AHDC1: variants seen among roughly 807,000 people sequenced by gnomAD.
The protein encoded by AHDC1 is transcription factor Gibbin.
AHDC1 carries 7 observed loss-of-function variants against 87.9 expected under a neutral mutation model. The ratio of observed to expected loss-of-function variants is 0.08; its 90% CI spans 0.05 to 0.15. The LOEUF (loss-of-function observed/expected upper bound fraction) is 0.15, where lower values mean the gene tolerates loss of function less well. Among genes scored for constraint, AHDC1 ranks in the 10% least tolerant of loss-of-function variants. The pLI is 1.00. For missense variants in AHDC1, 1,841 were observed against 2,253.2 expected (o/e 0.82, Z 3.70); for synonymous variants, 1,051 against 1,006.8 (o/e 1.04, Z -0.83).
At chr1:27,577,774 C>T (rs982355499) in intron 3 of AHDC1, among the ~76,000 whole-genome samples, 3 of 152,204 alleles carry the variant, frequency 2.0e-5, no homozygotes, top group Non-Finnish European at 4.4e-5. Context: ...TGCTCCCCTC[C>T]CCCTGACCTG....
At position 27,565,440 on chromosome 1, in the gene AHDC1, G is replaced by A. The variant is rs1427924134; in HGVS notation, c.-628-6557C>T. Among the ~76,000 whole-genome samples, 2 of 152,212 alleles carry A rather than the reference G, an allele frequency of 1.3e-5. No homozygotes were observed. The highest frequency in any genetic ancestry group is 2.4e-5 in the African/African-American group (1 of 41,460). ...GGCCACTGCCCAGACTGGGAGGGCG[G>A]GCCAGACAGCAGGGGCTGCCAGTCT... On this transcript the variant is annotated intron_variant, in intron 3 of 8. Coordinates refer to ENST00000673934, the MANE Select transcript of AHDC1 (RefSeq NM_001371928.1). This position sits in a 1 kb window ranked among gnomAD's most constrained non-coding sequence, Gnocchi z 4.6.
chr1:27,552,437 C>T (rs1246122308), intron 7 of AHDC1: 7 of 285,732 alleles, frequency 2.4e-5, no homozygotes, highest in East Asian at 1.1e-4. Context: ...CTCACTCTGT[C>T]GCCCAGGCTA....
intron 5 of AHDC1, among the ~76,000 whole-genome samples, chr1:27,557,969 C>T (rs544629353): frequency 1.3e-5 from 2 of 152,200 alleles, no homozygotes; most frequent in Non-Finnish European, 2.9e-5. Flanking sequence ...CACACAGCCT[C>T]GCATCCTCCC....
In AHDC1 at chr1:27,535,122, C is replaced by T. The variant is rs1019436070; in HGVS notation, c.*44-206G>A. Among the ~76,000 whole-genome samples, 3 of 152,166 alleles carry T rather than the reference C, an allele frequency of 2.0e-5. No individual in the cohort carries two copies. In the East Asian group the frequency reaches 5.8e-4, roughly 29 times the overall value. On this transcript the variant is annotated intron_variant, in intron 8 of 8. Coordinates refer to ENST00000673934, the MANE Select transcript of AHDC1 (RefSeq NM_001371928.1). Reference sequence around the variant, plus strand: ...TTCCCCATCTGTAAAATATGCGTGTCCAAGCCCCAAAACACAGGGTGAAGC... The same window carrying T: ...TTCCCCATCTGTAAAATATGCGTGTTCAAGCCCCAAAACACAGGGTGAAGC...
At chr1:27,553,366 T>C (rs1028498675) in intron 5 of AHDC1, 181 bp from the exon 6 acceptor site, 1 of 152,200 alleles carries the variant, frequency 6.6e-6, no homozygotes, top group South Asian at 2.1e-4. Context: ...GTAACATCAT[T>C]CATTCATACA....
At chr1:27,571,086 C>T (rs370965941) in intron 3 of AHDC1, among the ~76,000 whole-genome samples, 10 of 152,298 alleles carry the variant, frequency 6.6e-5, no homozygotes, top group African/African-American at 2.2e-4. Context: ...AGGCAGGGTA[C>T]TCTACTTCCT....
intron 3 of AHDC1, among the ~76,000 whole-genome samples, chr1:27,581,333 AAAATATATTTTT>A (rs937571002): frequency 6.6e-6 from 1 of 151,856 alleles, no homozygotes; most frequent in Non-Finnish European, 1.5e-5. Flanking sequence ...AAACTTTAAA[AAAATATATTTTT>A]AAAAAAAATT....
At chr1:27,577,584 T>TC (rs916480297) in intron 3 of AHDC1, among the ~76,000 whole-genome samples, 2 of 151,492 alleles carry the variant, frequency 1.3e-5, no homozygotes, top group Non-Finnish European at 2.9e-5. Flanking sequence ...TGCTTCCTGC[T>TC]CCCCCCACTC....
intron 3 of AHDC1, among the ~76,000 whole-genome samples, chr1:27,572,247 G>A (rs2088553893): frequency 6.6e-6 from 1 of 152,176 alleles, no homozygotes; most frequent in Non-Finnish European, 1.5e-5. Context: ...CTTAGGCACC[G>A]TGGTAAAATT....
At chr1:27,545,586 G>C (rs1005992797) in intron 8 of AHDC1, among the ~76,000 whole-genome samples, 1 of 152,152 alleles carries the variant, frequency 6.6e-6, no homozygotes, top group South Asian at 2.1e-4. Context: ...ACATCTCCCC[G>C]CCAGTGAGAA....
At position 27,562,035 on chromosome 1, in the gene AHDC1, A is replaced by C. The variant is rs1427526273; in HGVS notation, c.-628-3152T>G. On this transcript the variant is annotated intron_variant, in intron 3 of 8. Coordinates refer to ENST00000673934, the MANE Select transcript of AHDC1 (RefSeq NM_001371928.1). This position sits in a 1 kb window ranked among gnomAD's most constrained non-coding sequence, Gnocchi z 4.4. ...GAGGCACGGGGGAAGCGAGCCAGGC[A>C]GAGATGGGAAAGGCAGGAGAGAGCA... Among the ~76,000 whole-genome samples, 1 of 152,110 alleles carries C rather than the reference A, an allele frequency of 6.6e-6. No homozygotes were observed. The highest frequency in any genetic ancestry group is 1.5e-5 in the Non-Finnish European group (1 of 68,000).
rs2089494944 is a variant in AHDC1 at position 27,600,272 on chromosome 1, C to G, written c.-629+3125G>C. Among the ~76,000 whole-genome samples, 4 of 152,062 alleles carry G rather than the reference C, an allele frequency of 2.6e-5. No individual in the cohort carries two copies. The South Asian group carries it at 8.3e-4, about 32-fold the overall frequency. On this transcript the variant is annotated intron_variant, in intron 3 of 8. Coordinates refer to ENST00000673934, the MANE Select transcript of AHDC1 (RefSeq NM_001371928.1). ...AGTCCCCAGCTCCACTCCATCCTGG[C>G]TTCCGCCTCCCCACTCTGTCCCAAG... is the stretch of plus-strand genomic sequence containing the variant.
In AHDC1 at chr1:27,547,460, C is replaced by G. The variant is rs773780039; in HGVS notation, c.4656G>C (p.Pro1552=). ...CCTGCAGGGGCAGCAGCGAGTCCCT[C>G]GGCACGGGGGACAGGGTCAAGTCAC... ...LLSDLTLSPV[P]RDSLLPLQDT... is the part of the protein sequence containing the mutation. Residue 1552 remains proline (P), a synonymous_variant, in exon 8 of 9, where the codon CCG becomes CCC. Transcript: ENST00000673934. The surrounding 1 kb of genome is among the most constrained non-coding windows in gnomAD (Gnocchi z 4.9). 3 of 1,593,218 alleles carry G rather than the reference C, an allele frequency of 1.9e-6. No homozygotes were observed. The highest frequency in any genetic ancestry group is 1.7e-5 in the Admixed American group (1 of 59,344).
chr1:27,564,510 GA>G lies in AHDC1; in HGVS notation c.-628-5628del, dbSNP rs1426463868. ...AAGTGGGCCGCTCCTCAAGAAATGGGAAGCTTCTGATTGAAGAGAGGGAGAA... is the reference window on the plus strand; with the variant it reads ...AAGTGGGCCGCTCCTCAAGAAATGGGAGCTTCTGATTGAAGAGAGGGAGAA... On this transcript the variant is annotated intron_variant, in intron 3 of 8. Coordinates refer to ENST00000673934, the MANE Select transcript of AHDC1 (RefSeq NM_001371928.1). 2.0e-5 allele frequency among the ~76,000 whole-genome samples: 3 copies of G among 152,340 alleles called. No homozygotes were observed. The East Asian group carries it at 5.8e-4, about 29-fold the overall frequency.
chr1:27,572,393 C>T (rs991290702), intron 3 of AHDC1, among the ~76,000 whole-genome samples: 1 of 152,034 alleles, frequency 6.6e-6, no homozygotes, highest in African/African-American at 2.4e-5. Flanking sequence ...CAAAACATGG[C>T]CAGGATTCAC....
intron 3 of AHDC1, among the ~76,000 whole-genome samples, chr1:27,577,885 C>CA (rs1298440820): frequency 1.3e-5 from 2 of 152,220 alleles, no homozygotes; most frequent in Admixed American, 1.3e-4. Context: ...AGAGCCCCAA[C>CA]AGAGATTCCA....
rs903239919 is a variant in AHDC1 at position 27,595,272 on chromosome 1, T to C, written c.-629+8125A>G. 6.6e-6 allele frequency among the ~76,000 whole-genome samples: 1 copy of C among 151,626 alleles called. No homozygotes were observed. Among genetic ancestry groups the C allele is most frequent in the African/African-American group, 2.4e-5 (1 of 41,214 alleles). On this transcript the variant is annotated intron_variant, in intron 3 of 8. Transcript: ENST00000673934. This position sits in a 1 kb window ranked among gnomAD's most constrained non-coding sequence, Gnocchi z 4.0. Reference sequence around the variant, plus strand: ...GGGATGATACCGGTGTTTGGGGAAGTGCTGAGCTATAGCTGGGAGAAACGT... The same window carrying C: ...GGGATGATACCGGTGTTTGGGGAAGCGCTGAGCTATAGCTGGGAGAAACGT...
intron 3 of AHDC1, among the ~76,000 whole-genome samples, chr1:27,579,732 C>T (rs2088857359): frequency 6.6e-6 from 1 of 152,226 alleles, no homozygotes; most frequent in Non-Finnish European, 1.5e-5. Flanking sequence ...TGCTCATTCG[C>T]TTATGCACTG....
At chr1:27,553,846 G>A (rs1488234557) in intron 5 of AHDC1, among the ~76,000 whole-genome samples, 10 of 152,020 alleles carry the variant, frequency 6.6e-5, no homozygotes, top group African/African-American at 1.4e-4. Context: ...CAGGAGGATC[G>A]CTTGAGTCCA....
Sources: allele counts gnomAD v4.1 joint callset (sites outside exome capture counted in the v4.1 genomes callset), GRCh38; gene constraint gnomAD v4.1.1; non-coding constraint Gnocchi (gnomAD v3.1); transcripts MANE v1.5; gene names NCBI Gene and HGNC (gene_info 2026-07-23, HGNC 2026-07-21).